LMO3: variants seen among roughly 807,000 people sequenced by gnomAD.
The protein encoded by LMO3 is LIM domain only 3, also known as LIM domain only protein 3.
LMO3 carries 2 observed loss-of-function variants against 15.8 expected under a neutral mutation model. That is an observed-to-expected ratio of 0.13 (90% CI 0.05 to 0.40). LMO3 has a LOEUF of 0.40. Ranked by LOEUF, LMO3 falls within the 10% of genes least tolerant of loss-of-function variation. LMO3 has a pLI of 0.99. For synonymous variants in LMO3, 62 were observed against 63.8 expected, an observed-to-expected ratio of 0.97 and a Z score of 0.13; for missense variants, 86 against 182.2, an observed-to-expected ratio of 0.47 and a Z score of 3.04.
chr12:16,570,255 G>A (rs904818492), intron 2 of LMO3, among the ~76,000 whole-genome samples: 3 of 151,968 alleles, frequency 2.0e-5, no homozygotes, highest in South Asian at 2.1e-4. Flanking sequence ...CCTAAAAATC[G>A]GCATTGAAGT....
At chr12:16,600,291 C>CAAAAAAAAAAAAAAAAAAAAAAAAAAAAA (rs35993210) in intron 2 of LMO3, 1 of 69,324 alleles carries the variant, frequency 1.4e-5, no homozygotes, top group Non-Finnish European at 2.6e-5. Flanking sequence ...CCTTAAGCTC[C>CAAAAAAAAAAAAAAAAAAAAAAAAAAAAA]AAAAAAAAAA....
At chr12:16,575,886 G>A (rs1367910810) in intron 2 of LMO3, among the ~76,000 whole-genome samples, 1 of 152,028 alleles carries the variant, frequency 6.6e-6, no homozygotes, top group Non-Finnish European at 1.5e-5. Flanking sequence ...CTCTTCTGCA[G>A]ACTACATTAC....
Position 16,550,453 on chromosome 12 carries a change from AAAAG to A in LMO3, c.*765_*768del, listed in dbSNP as rs1941948006. 6.6e-6 allele frequency: 1 copy of A among 152,510 alleles called. No individual in the cohort carries two copies. Among genetic ancestry groups the A allele is most frequent in the Non-Finnish European group, 1.5e-5 (1 of 67,934 alleles). The allele number at this position is 152,510 out of a possible 1,614,324, so 9.4% of individuals were successfully genotyped here. ...ATTGTGTAAGTAAAGAGCACACAAA[AAAAG>A]GATATTAAAAGGAAACCTGTTAAGC... On this transcript the variant is annotated 3_prime_UTR_variant, in exon 4 of 4. Coordinates refer to ENST00000537304, the MANE Select transcript of LMO3 (RefSeq NM_018640.5).
chr12:16,556,614 C>CTATT (rs1326281619), intron 3 of LMO3, among the ~76,000 whole-genome samples: 1 of 152,168 alleles, frequency 6.6e-6, no homozygotes, highest in Non-Finnish European at 1.5e-5. Context: ...TATGAATTAC[C>CTATT]TATTTGCCTT....
intron 2 of LMO3, among the ~76,000 whole-genome samples, chr12:16,573,050 A>G (rs1230985850): frequency 6.6e-6 from 1 of 152,024 alleles, no homozygotes; most frequent in Non-Finnish European, 1.5e-5. Context: ...TTCTCTATCC[A>G]GATACATCTT....
At position 16,599,432 on chromosome 12, in the gene LMO3, A is replaced by G. The variant is rs919861087; in HGVS notation, c.206+1223T>C. ...ACCATTAATCAAATGATATATTTTT[A>G]TATCTAAAGATTGGATCTGACTGAA... is the stretch of plus-strand genomic sequence containing the variant. On this transcript the variant is annotated intron_variant, in intron 2 of 3. Transcript: ENST00000537304. This position sits in a 1 kb window ranked among gnomAD's most constrained non-coding sequence, Gnocchi z 4.1. 2.6e-5 allele frequency: 4 copies of G among 152,200 alleles called. No individual in the cohort carries two copies. The highest frequency in any genetic ancestry group is 9.7e-5 in the African/African-American group (4 of 41,450). 9.4% of individuals were successfully genotyped at this position (152,200 alleles called of 1,614,324 possible).
chr12:16,571,325 T>C (rs760917980), intron 2 of LMO3, among the ~76,000 whole-genome samples: 1 of 152,114 alleles, frequency 6.6e-6, no homozygotes, highest in Non-Finnish European at 1.5e-5. Flanking sequence ...CTAAGATTCA[T>C]GAAGCATATT....
At chr12:16,605,468 G>A in intron 1 of LMO3, 1 of 459,218 alleles carries the variant, frequency 2.2e-6, no homozygotes, top group African/African-American at 4.7e-5. Flanking sequence ...CCCAAACACA[G>A]CCACTTTTCC....
chr12:16,605,946 T>C, intron 1 of LMO3, 120 bp downstream of exon 1: 5 of 894,030 alleles, frequency 5.6e-6, no homozygotes, highest in Non-Finnish European at 6.9e-6. Context: ...CTCCAGTTTA[T>C]GCCTCATTAG....
chr12:16,566,953 A>G (rs1591787463), intron 2 of LMO3, among the ~76,000 whole-genome samples: 2 of 152,182 alleles, frequency 1.3e-5, no homozygotes, highest in African/African-American at 4.8e-5. Context: ...ATATATATAT[A>G]TGTTAAAAAC....
chr12:16,606,174 A>G (rs1285395898), upstream of LMO3: 1 of 228,634 alleles, frequency 4.4e-6, no homozygotes, highest in African/African-American at 2.3e-5. Flanking sequence ...AAAAAAAAAA[A>G]AAAGACGGGG....
chr12:16,563,177 G>A (rs980718854), intron 2 of LMO3, among the ~76,000 whole-genome samples: 1 of 152,112 alleles, frequency 6.6e-6, no homozygotes, highest in Non-Finnish European at 1.5e-5. Context: ...TTACTGAACT[G>A]TCAGCTCACA....
intron 1 of LMO3, 184 bp downstream of exon 1, chr12:16,605,882 G>A: frequency 1.4e-6 from 2 of 1,478,002 alleles, no homozygotes; most frequent in Non-Finnish European, 1.8e-6. Flanking sequence ...AAACAAAACC[G>A]TCTCAGTAGA....
rs1405747878 is a variant in LMO3, at chr12:16,555,988, C to G, written c.332+4425G>C. On this transcript the variant is annotated intron_variant, in intron 3 of 3. Coordinates refer to ENST00000537304, the MANE Select transcript of LMO3 (RefSeq NM_018640.5). This position sits in a 1 kb window ranked among gnomAD's most constrained non-coding sequence, Gnocchi z 5.5. ...GTATAGCTCTATTTAGCATCGATTA[C>G]ACTCTTCTGTGAGTCTTTGATGTCC... Among the ~76,000 whole-genome samples the G allele has an allele frequency of 2.6e-5, 4 of 152,154 alleles. No homozygotes were observed. Among genetic ancestry groups the G allele is most frequent in the African/African-American group, 9.7e-5 (4 of 41,436 alleles).
chr12:16,587,704 G>A lies in LMO3; in HGVS notation c.206+12951C>T, dbSNP rs535388642. On this transcript the variant is annotated intron_variant, in intron 2 of 3. Coordinates refer to ENST00000537304, the MANE Select transcript of LMO3 (RefSeq NM_018640.5). The surrounding 1 kb of genome is among the most constrained non-coding windows in gnomAD (Gnocchi z 4.3). ...CACGACACAAGTATTTTTCACTACA[G>A]GAGACAAACAATGATATGTATTACA... 6.6e-6 allele frequency among the ~76,000 whole-genome samples: 1 copy of A among 151,770 alleles called. No individual in the cohort carries two copies. The highest frequency in any genetic ancestry group is 1.5e-5 in the Non-Finnish European group (1 of 67,748).
upstream of LMO3, chr12:16,609,290 T>G (rs2137764360): frequency 6.6e-6 from 1 of 152,276 alleles, no homozygotes; most frequent in East Asian, 1.9e-4. Context: ...AACTCCCTGT[T>G]TTCCTGGCTC....
chr12:16,564,791 T>A (rs924536912), intron 2 of LMO3, among the ~76,000 whole-genome samples: 3 of 152,156 alleles, frequency 2.0e-5, no homozygotes, highest in Non-Finnish European at 4.4e-5. Context: ...TGCATAAATT[T>A]AGAAGTTATT....
intron 2 of LMO3, among the ~76,000 whole-genome samples, chr12:16,575,898 C>T (rs894724156): frequency 1.3e-5 from 2 of 152,072 alleles, no homozygotes; most frequent in African/African-American, 4.8e-5. Flanking sequence ...CTACATTACC[C>T]TCCCTCTCCC....
intron 1 of LMO3, chr12:16,605,786 C>T (rs1943975117): frequency 6.5e-7 from 1 of 1,535,598 alleles, no homozygotes; most frequent in Non-Finnish European, 8.7e-7. Flanking sequence ...TTCCGCGCCG[C>T]AGCCGCTCTC....
Sources: allele counts gnomAD v4.1 joint callset (sites outside exome capture counted in the v4.1 genomes callset), GRCh38; gene constraint gnomAD v4.1.1; non-coding constraint Gnocchi (gnomAD v3.1); transcripts MANE v1.5; gene names NCBI Gene and HGNC (gene_info 2026-07-23, HGNC 2026-07-21).